The following TAF4 variants were observed in gnomAD, a reference collection of about 807,000 sequenced individuals.
The protein encoded by TAF4 is transcription initiation factor TFIID subunit 4.
Under a neutral mutation model 90.3 loss-of-function variants are expected in TAF4, and 9 were observed. That is an observed-to-expected ratio of 0.10 (90% CI 0.06 to 0.17). The LOEUF (loss-of-function observed/expected upper bound fraction) is 0.17, where lower values mean the gene tolerates loss of function less well. Among genes scored for constraint, TAF4 ranks in the 10% least tolerant of loss-of-function variants. The probability of loss-of-function intolerance (pLI) is 1.00; values close to 1 mark genes in which losing one functional copy is unlikely to be tolerated. For missense variants in TAF4, 1,351 were observed against 1,370.7 expected, an observed-to-expected ratio of 0.99 and a Z score of 0.23; for synonymous variants, 818 against 638.9, an observed-to-expected ratio of 1.28 and a Z score of -4.23.
In TAF4 at chr20:62,014,602, G is replaced by A. The variant is rs754503916; in HGVS notation, c.1466C>T (p.Ala489Val). ...ACTTGTGGGGGTGGCAGGGCGAGGCGCCATGGTGGTCTGAGGCTGGGCATG... is the reference window on the plus strand; with the variant it reads ...ACTTGTGGGGGTGGCAGGGCGAGGCACCATGGTGGTCTGAGGCTGGGCATG... ...QAHAQPQTTMAPRPATPTSAP... is the reference protein window; with the variant it reads ...QAHAQPQTTMVPRPATPTSAP... The change falls in exon 2 of 15, where the codon GCG becomes GTG. Residue 489 changes from alanine to valine, a missense_variant. Around this residue, in one of 9 missense-constraint regions of TAF4, gnomAD observed 143 missense variants for 176.3 expected, o/e 0.81. Transcript: ENST00000252996. The A allele has an allele frequency of 3.1e-6, 5 of 1,613,860 alleles. No individual in the cohort carries two copies. Among genetic ancestry groups the A allele is most frequent in the East Asian group, 4.5e-5 (2 of 44,866 alleles).
At chr20:62,059,257 T>A (rs900238006) in intron 1 of TAF4, among the ~76,000 whole-genome samples, 14 of 152,182 alleles carry the variant, frequency 9.2e-5, no homozygotes, top group Non-Finnish European at 1.3e-4. Context: ...GGACACCAGG[T>A]ACTTTCTCAA....
At chr20:62,032,236 A>G (rs1322030670) in intron 1 of TAF4, among the ~76,000 whole-genome samples, 7 of 152,212 alleles carry the variant, frequency 4.6e-5, no homozygotes, top group African/African-American at 7.2e-5. Flanking sequence ...TGAGAGGACA[A>G]GGACCATGCT....
intron 1 of TAF4, among the ~76,000 whole-genome samples, chr20:62,041,025 A>G (rs2145502635): frequency 6.6e-6 from 1 of 152,390 alleles, no homozygotes; most frequent in African/African-American, 2.4e-5. Context: ...CACGTGTTGC[A>G]CACGATGCCC....
intron 1 of TAF4, among the ~76,000 whole-genome samples, chr20:62,045,204 C>G (rs1165050796): frequency 1.3e-5 from 2 of 152,220 alleles, no homozygotes; most frequent in African/African-American, 4.8e-5. Context: ...TCGGGATGCT[C>G]CCCGCTCAGG....
chr20:62,065,821 C>T lies in TAF4; in HGVS notation c.-11G>A. The T allele has an allele frequency of 7.9e-7, 1 of 1,268,532 alleles. No homozygotes were observed. The allele number at this position is 1,268,532 out of a possible 1,614,324, so 78.6% of individuals were successfully genotyped here. A position where few individuals can be genotyped will look rare whatever the true frequency, so the allele number is the denominator to read the frequency against. On this transcript the variant is annotated 5_prime_UTR_variant, in exon 1 of 15. Coordinates refer to ENST00000252996, the MANE Select transcript of TAF4 (RefSeq NM_003185.4). ...CGAGCCCGCCGCCATCTTTTTTCCT[C>T]GGCCGCCGCCGCCGCCGCCGCTCGG...
chr20:62,007,053 T>G (rs2055750744), intron 6 of TAF4: 1 of 334,122 alleles, frequency 3.0e-6, no homozygotes, highest in Non-Finnish European at 5.4e-6. Context: ...GAGAAGATTC[T>G]GAATGTTCCC....
intron 1 of TAF4, among the ~76,000 whole-genome samples, chr20:62,026,266 G>C (rs1195712670): frequency 6.6e-6 from 1 of 152,088 alleles, no homozygotes; most frequent in Non-Finnish European, 1.5e-5. Flanking sequence ...CGTTCAATGA[G>C]TTTTACTCTA....
At chr20:61,996,560 G>A (rs1206391510) in intron 14 of TAF4, among the ~76,000 whole-genome samples, 1 of 152,042 alleles carries the variant, frequency 6.6e-6, no homozygotes, top group Non-Finnish European at 1.5e-5. Context: ...CAGCACTTTG[G>A]GAGGCCGAGG....
At chr20:62,060,980 C>T (rs1243962242) in intron 1 of TAF4, among the ~76,000 whole-genome samples, 1 of 152,244 alleles carries the variant, frequency 6.6e-6, no homozygotes, top group African/African-American at 2.4e-5. Context: ...CTGGCCCAAC[C>T]TGACAGAATT....
intron 1 of TAF4, among the ~76,000 whole-genome samples, chr20:62,021,521 C>G (rs1318174668): frequency 6.6e-6 from 1 of 152,242 alleles, no homozygotes; most frequent in Non-Finnish European, 1.5e-5. Flanking sequence ...TGTTCACAGC[C>G]AAGGGCCGTG....
chr20:62,020,007 G>A (rs1379232915), intron 1 of TAF4, among the ~76,000 whole-genome samples: 2 of 152,076 alleles, frequency 1.3e-5, no homozygotes, highest in African/African-American at 2.4e-5. Context: ...GCCCAGCCCC[G>A]GCTACCTCTT....
intron 14 of TAF4, among the ~76,000 whole-genome samples, chr20:61,986,964 A>G (rs1320355644): frequency 2.0e-5 from 3 of 152,244 alleles, no homozygotes; most frequent in Non-Finnish European, 4.4e-5. Flanking sequence ...CTGATAAGAA[A>G]TGGTATCAGC....
chr20:62,021,037 G>A (rs1312520125), intron 1 of TAF4, among the ~76,000 whole-genome samples: 1 of 152,110 alleles, frequency 6.6e-6, no homozygotes, highest in East Asian at 1.9e-4. Flanking sequence ...ACAGATCCCA[G>A]CCACAGTACG....
chr20:62,009,894 G>T, intron 4 of TAF4, 152 bp downstream of exon 4: 1 of 1,253,554 alleles, frequency 8.0e-7, no homozygotes, highest in Non-Finnish European at 1.1e-6. Context: ...AGAGCCCCAC[G>T]TGCTCACGTG....
chr20:62,035,384 C>A (rs566342902), intron 1 of TAF4, among the ~76,000 whole-genome samples: 1 of 152,262 alleles, frequency 6.6e-6, no homozygotes, highest in South Asian at 2.1e-4. Flanking sequence ...GAGAAAACAA[C>A]CGACAGGCTA....
chr20:62,057,243 G>C (rs376158171), intron 1 of TAF4, among the ~76,000 whole-genome samples: 22 of 152,288 alleles, frequency 1.4e-4, no homozygotes, highest in African/African-American at 5.3e-4. Context: ...CTCTGCCCCA[G>C]GTGTGCTTGG....
At chr20:62,019,309 C>G (rs1462975148) in intron 1 of TAF4, among the ~76,000 whole-genome samples, 1 of 152,212 alleles carries the variant, frequency 6.6e-6, no homozygotes, top group Non-Finnish European at 1.5e-5. Flanking sequence ...GCCCGAGTTC[C>G]CTGCCAGCTC....
intron 14 of TAF4, among the ~76,000 whole-genome samples, chr20:61,982,910 G>C (rs1409736329): frequency 7.0e-6 from 1 of 141,928 alleles, no homozygotes; most frequent in African/African-American, 2.5e-5. Flanking sequence ...TCCCCCACAA[G>C]GCAAGAACAG....
chr20:61,998,071 C>G (rs2055674737), intron 13 of TAF4, 65 bp downstream of exon 13: 2 of 1,495,826 alleles, frequency 1.3e-6, no homozygotes, highest in Non-Finnish European at 9.1e-7. Flanking sequence ...CCTTAGCCCC[C>G]CTCCCGTGGG....
Sources: gnomAD v4.1 joint callset for allele counts (sites outside exome capture counted in the v4.1 genomes callset) on GRCh38, gnomAD v4.1.1 for gene constraint, gnomAD v4.1.1 regional missense constraint, MANE v1.5 for transcripts, NCBI Gene and HGNC (gene_info 2026-07-23, HGNC 2026-07-21) for gene names.